Variants in SGCZ observed in about 807,000 individuals in gnomAD.
The protein encoded by SGCZ is zeta-sarcoglycan.
In SGCZ, 40 loss-of-function variants were observed where a neutral mutation model predicts 41.3. That is an observed-to-expected ratio of 0.97 (90% CI 0.75 to 1.26). The LOEUF (loss-of-function observed/expected upper bound fraction) is 1.26. Ranked by LOEUF, SGCZ falls within the 50% of genes most tolerant of loss-of-function variation. SGCZ has a pLI of 0.00. For synonymous variants in SGCZ, 206 were observed against 137.5 expected (o/e 1.50, Z -3.49); for missense variants, 552 against 369.8 (o/e 1.49, Z -4.04).
intron 2 of SGCZ, among the ~76,000 whole-genome samples, chr8:14,508,047 C>A (rs952146861): frequency 2.0e-5 from 3 of 151,990 alleles, no homozygotes; most frequent in Non-Finnish European, 4.4e-5. Context: ...CTAGGATTAC[C>A]GGCGTGAGTC....
chr8:14,844,553 G>A (rs552678842), intron 1 of SGCZ, among the ~76,000 whole-genome samples: 1 of 152,120 alleles, frequency 6.6e-6, no homozygotes, highest in Non-Finnish European at 1.5e-5. Flanking sequence ...CATAGTATGC[G>A]GGCTCCTCTC....
intron 2 of SGCZ, among the ~76,000 whole-genome samples, chr8:14,411,475 A>G (rs1001025271): frequency 5.3e-5 from 8 of 152,084 alleles, no homozygotes; most frequent in Non-Finnish European, 1.2e-4. Flanking sequence ...TCAAGTTTAT[A>G]ATGACATTAC....
chr8:14,382,324 G>C (rs9325705), intron 2 of SGCZ, among the ~76,000 whole-genome samples: 18,234 of 151,986 alleles, frequency 0.12, 2,415 homozygotes, highest in African/African-American at 0.33. Context: ...TTGATTGTTT[G>C]CGTAAGGCCC....
chr8:14,706,298 T>A (rs1809330963), intron 1 of SGCZ, among the ~76,000 whole-genome samples: 1 of 151,942 alleles, frequency 6.6e-6, no homozygotes, highest in Non-Finnish European at 1.5e-5. Flanking sequence ...CTAATCAAAT[T>A]TCAAACTCAC....
intron 1 of SGCZ, among the ~76,000 whole-genome samples, chr8:15,099,652 A>G (rs966561701): frequency 3.3e-5 from 5 of 152,202 alleles, no homozygotes; most frequent in African/African-American, 1.2e-4. Flanking sequence ...AAACCTGGAA[A>G]GACTTTACAA....
chr8:15,074,631 A>G (rs921870034), intron 1 of SGCZ, among the ~76,000 whole-genome samples: 3 of 151,910 alleles, frequency 2.0e-5, no homozygotes, highest in East Asian at 3.9e-4. Context: ...CTCTCCCACC[A>G]TGAAAATTTA....
At chr8:14,847,866 C>G (rs960082357) in intron 1 of SGCZ, among the ~76,000 whole-genome samples, 4 of 150,716 alleles carry the variant, frequency 2.7e-5, no homozygotes, top group Admixed American at 2.6e-4. Flanking sequence ...CCCACCATCT[C>G]TAGTCAACAT....
At chr8:14,709,244 C>G (rs1003183360) in intron 1 of SGCZ, among the ~76,000 whole-genome samples, 1 of 152,184 alleles carries the variant, frequency 6.6e-6, no homozygotes, top group Non-Finnish European at 1.5e-5. Flanking sequence ...TAGCTTGTAT[C>G]AAATTCTCAG....
intron 1 of SGCZ, among the ~76,000 whole-genome samples, chr8:15,083,043 C>T (rs372783489): frequency 6.6e-6 from 1 of 152,104 alleles, no homozygotes; most frequent in African/African-American, 2.4e-5. Context: ...GCTCATGTAT[C>T]TATAGCTTAT....
chr8:15,150,167 A>G (rs981456168), intron 1 of SGCZ, among the ~76,000 whole-genome samples: 3 of 152,270 alleles, frequency 2.0e-5, no homozygotes, highest in East Asian at 1.9e-4. Context: ...TGGATATTTT[A>G]TGAGGACTGT....
At chr8:14,418,049 C>G (rs1347269175) in intron 2 of SGCZ, among the ~76,000 whole-genome samples, 1 of 151,766 alleles carries the variant, frequency 6.6e-6, no homozygotes, top group African/African-American at 2.4e-5. Flanking sequence ...TAGGCTATGT[C>G]TGTCATGCTA....
intron 2 of SGCZ, among the ~76,000 whole-genome samples, chr8:14,412,091 A>G (rs35194896): frequency 0.2 from 29,905 of 152,058 alleles, 3,685 homozygotes; most frequent in Non-Finnish European, 0.29. Context: ...TCAAAGATTG[A>G]TTTGCAGAAA....
intron 1 of SGCZ, among the ~76,000 whole-genome samples, chr8:14,582,828 G>T (rs544451205): frequency 1.4e-3 from 210 of 151,544 alleles, no homozygotes; most frequent in African/African-American, 4.9e-3. Flanking sequence ...TCCCTACAAA[G>T]GACATGAACT....
chr8:15,069,198 G>A (rs1805263148), intron 1 of SGCZ, among the ~76,000 whole-genome samples: 1 of 151,920 alleles, frequency 6.6e-6, no homozygotes, highest in African/African-American at 2.4e-5. Context: ...GTTGTTTCTT[G>A]TTTGTTTTGT....
chr8:14,629,820 A>C (rs1427900429), intron 1 of SGCZ, among the ~76,000 whole-genome samples: 1 of 152,062 alleles, frequency 6.6e-6, no homozygotes, highest in Non-Finnish European at 1.5e-5. Flanking sequence ...ATGCTTCATG[A>C]CTCAAAGAGC....
At chr8:14,242,031 C>G (rs1409701060) in intron 3 of SGCZ, among the ~76,000 whole-genome samples, 1 of 152,170 alleles carries the variant, frequency 6.6e-6, no homozygotes, top group Non-Finnish European at 1.5e-5. Context: ...AGAAAGGAGA[C>G]AGACTTCTTT....
At chr8:14,880,346 C>T (rs963145234) in intron 1 of SGCZ, among the ~76,000 whole-genome samples, 1 of 152,166 alleles carries the variant, frequency 6.6e-6, no homozygotes, top group Non-Finnish European at 1.5e-5. Context: ...CACTTTTACA[C>T]TGTTGGTGGG....
intron 1 of SGCZ, among the ~76,000 whole-genome samples, chr8:14,866,051 G>C (rs1244877920): frequency 6.6e-6 from 1 of 152,024 alleles, no homozygotes; most frequent in African/African-American, 2.4e-5. Context: ...TGTTAATAAG[G>C]AGGTATTTGT....
rs186608437 is a variant in SGCZ, at chr8:14,959,321, C to T, written c.39+278264G>A. ...TGATTCCTTTATAACTGATGATATG[C>T]TTTCTTTGGTTGGTTGGTTGTTTGG... is the stretch of plus-strand genomic sequence containing the variant. On this transcript the variant is annotated intron_variant, in intron 1 of 7. Transcript: ENST00000382080. 4.3e-3 allele frequency among the ~76,000 whole-genome samples: 654 copies of T among 152,100 alleles called. 6 individuals carry two copies. The highest frequency in any genetic ancestry group is 0.017 in the South Asian group (83 of 4,816).
Sources: gnomAD v4.1 joint callset for allele counts (sites outside exome capture counted in the v4.1 genomes callset) on GRCh38, gnomAD v4.1.1 for gene constraint, MANE v1.5 for transcripts, NCBI Gene and HGNC (gene_info 2026-07-23, HGNC 2026-07-21) for gene names.